LIN7C: variants seen among roughly 807,000 people sequenced by gnomAD.
LIN7C encodes the protein protein lin-7 homolog C.
LIN7C carries 17 observed loss-of-function variants against 24.7 expected under a neutral mutation model. That is an observed-to-expected ratio of 0.69 (90% confidence interval 0.47 to 1.03). The LOEUF (loss-of-function observed/expected upper bound fraction) is 1.03, where lower values mean the gene tolerates loss of function less well. Among genes scored for constraint, LIN7C ranks in the 50% least tolerant of loss-of-function variants. The probability of loss-of-function intolerance (pLI) is 0.00; values close to 1 mark genes in which losing one functional copy is unlikely to be tolerated. For synonymous variants in LIN7C, 90 were observed against 83.4 expected (o/e 1.08, Z -0.43); for missense variants, 204 against 239.0 (o/e 0.85, Z 0.97).
chr11:27,505,653 G>C (rs1361945454), intron 1 of LIN7C, among the ~76,000 whole-genome samples: 2 of 152,178 alleles, frequency 1.3e-5, no homozygotes, highest in Non-Finnish European at 2.9e-5. Context: ...TTAGGAAAGA[G>C]GTTTTTCTAA....
At position 27,498,625 on chromosome 11, in the gene LIN7C, T is replaced by C. The variant is rs751237307; in HGVS notation, c.*24A>G. On this transcript the variant is annotated 3_prime_UTR_variant, in exon 5 of 5. Coordinates refer to ENST00000278193, the MANE Select transcript of LIN7C (RefSeq NM_018362.4). ...AAACTTCTCTAGCTAAAACGCAAAA[T>C]GAAATATCAAGTTTTGAAATGTATT... 24 of 1,596,862 alleles carry C rather than the reference T, an allele frequency of 1.5e-5. No homozygotes were observed. The highest frequency in any genetic ancestry group is 1.7e-5 in the Non-Finnish European group (20 of 1,170,838).
At chr11:27,501,988 C>G in intron 1 of LIN7C, 68 bp from the exon 2 acceptor site, 1 of 929,356 alleles carries the variant, frequency 1.1e-6, no homozygotes, top group East Asian at 2.4e-5. Flanking sequence ...AACAGTGGGG[C>G]AGTTAGGATT....
In LIN7C at chr11:27,499,293, T is replaced by C. The variant is rs545692646; in HGVS notation, c.438+66A>G. 5.7e-5 allele frequency: 76 copies of C among 1,327,336 alleles called. No individual in the cohort carries two copies. The East Asian group carries it at 1.5e-3, about 26-fold the overall frequency. 82.2% of individuals were successfully genotyped at this position (1,327,336 alleles called of 1,614,324 possible). On this transcript the variant is annotated intron_variant, in intron 4 of 4. Coordinates refer to ENST00000278193, the MANE Select transcript of LIN7C (RefSeq NM_018362.4). ...CCACAAGTTTCTTAGGTTTCTCCTATTACTCAAATACGCCCCCAGGTGGTC... is the reference window on the plus strand; with the variant it reads ...CCACAAGTTTCTTAGGTTTCTCCTACTACTCAAATACGCCCCCAGGTGGTC...
intron 2 of LIN7C, 89 bp downstream of exon 2, chr11:27,501,712 GT>G: frequency 1.0e-6 from 1 of 974,552 alleles, no homozygotes; most frequent in South Asian, 1.6e-5. Flanking sequence ...GTTTTCTAAA[GT>G]TTTTCTTAAG....
rs1373241153 is a variant in LIN7C at position 27,494,545 on chromosome 11, C to A, written c.*4104G>T. On this transcript the variant is annotated 3_prime_UTR_variant, in exon 5 of 5. Coordinates refer to ENST00000278193, the MANE Select transcript of LIN7C (RefSeq NM_018362.4). ...AACGTTATCTATTGTGTAGTTATAT[C>A]AACTTTTTTCAAATCCAAAGAACGA... is the stretch of plus-strand genomic sequence containing the variant. 2.0e-5 allele frequency: 3 copies of A among 152,098 alleles called. No homozygotes were observed. Among genetic ancestry groups the A allele is most frequent in the Non-Finnish European group, 2.9e-5 (2 of 68,020 alleles). The allele number at this position is 152,098 out of a possible 1,614,324, so 9.4% of individuals were successfully genotyped here.
intron 1 of LIN7C, among the ~76,000 whole-genome samples, chr11:27,502,920 T>C (rs931742975): frequency 1.6e-4 from 25 of 152,220 alleles, no homozygotes; most frequent in African/African-American, 5.8e-4. Flanking sequence ...AAGACCAGCC[T>C]GGCCAACATG....
At chr11:27,503,411 T>C (rs2133490843) in intron 1 of LIN7C, among the ~76,000 whole-genome samples, 1 of 152,344 alleles carries the variant, frequency 6.6e-6, no homozygotes, top group East Asian at 1.9e-4. Flanking sequence ...TAGAAGTTCC[T>C]GATTTCGTTA....
rs1462267779 is a variant in LIN7C at position 27,496,154 on chromosome 11, T to C, written c.*2495A>G. 1.5e-5 allele frequency: 2 copies of C among 136,520 alleles called. No homozygotes were observed. Among genetic ancestry groups the C allele is most frequent in the Admixed American group, 7.3e-5 (1 of 13,696 alleles). The allele number at this position is 136,520 out of a possible 1,614,324, so 8.5% of individuals were successfully genotyped here. A position where few individuals can be genotyped will look rare whatever the true frequency, so the allele number is the denominator to read the frequency against. ...TCCTTTAGAACCACCTGGAAAGCTT[T>C]ACAAAAAAAAAAAAAAGGGTGATTT... On this transcript the variant is annotated 3_prime_UTR_variant, in exon 5 of 5. Coordinates refer to ENST00000278193, the MANE Select transcript of LIN7C (RefSeq NM_018362.4).
Position 27,501,507 on chromosome 11 carries a change from G to C in LIN7C, c.216C>G (p.Asn72Lys). 1 of 1,591,914 alleles carries C rather than the reference G, an allele frequency of 6.3e-7. No homozygotes were observed. Among genetic ancestry groups the C allele is most frequent in the Non-Finnish European group, 8.5e-7 (1 of 1,171,892 alleles). ...CAAAAAAATTTACCTTTGCAGTAGC[G>C]TTCGCTCTCACTTCAGGACTGCTAC... ...DISSSPEVRA[N>K]ATAKATVAAF... The change falls in exon 3 of 5, where the codon AAC becomes AAG. Residue 72 changes from asparagine to lysine, a missense_variant. Asn to Lys is a moderately conservative substitution (Grantham distance 94). Transcript: ENST00000278193.
intron 4 of LIN7C, 31 bp downstream of exon 4, chr11:27,499,328 C>A: frequency 6.3e-7 from 1 of 1,587,808 alleles, no homozygotes; most frequent in Non-Finnish European, 8.6e-7. Context: ...CACAACAGAT[C>A]ACTACAAATA....
At position 27,495,482 on chromosome 11, in the gene LIN7C, C is replaced by CAAAAACA. The variant is rs1865156634; in HGVS notation, c.*3160_*3166dup. The CAAAAACA allele has an allele frequency of 6.7e-6, 1 of 149,436 alleles. No individual in the cohort carries two copies. Among genetic ancestry groups the CAAAAACA allele is most frequent in the Non-Finnish European group, 1.5e-5 (1 of 67,326 alleles). The allele number at this position is 149,436 out of a possible 1,614,324, so 9.3% of individuals were successfully genotyped here. ...AGCAAGACTCTGTCTCAAAAAAAAA[C>CAAAAACA]AAAAACAAAAAACAAAAAAAAAATT... On this transcript the variant is annotated 3_prime_UTR_variant, in exon 5 of 5. Transcript: ENST00000278193.
chr11:27,498,925 A>T (rs1305420524), intron 4 of LIN7C, 121 bp from the exon 5 acceptor site: 2 of 808,270 alleles, frequency 2.5e-6, no homozygotes, highest in Non-Finnish European at 3.9e-6. Context: ...TTATTCCAAC[A>T]TTACAAAACT....
chr11:27,501,393 CAT>C (rs1476012488), intron 3 of LIN7C, 100 bp downstream of exon 3: 2 of 734,958 alleles, frequency 2.7e-6, no homozygotes, highest in East Asian at 2.8e-5. Flanking sequence ...TTGAAAGATA[CAT>C]GTTAGTCTTC....
chr11:27,503,603 T>G (rs1253280259), intron 1 of LIN7C, among the ~76,000 whole-genome samples: 1 of 152,130 alleles, frequency 6.6e-6, no homozygotes, highest in African/African-American at 2.4e-5. Context: ...AACCTCTGCC[T>G]CCCAGGTTCA....
At chr11:27,503,424 C>G (rs1342360856) in intron 1 of LIN7C, among the ~76,000 whole-genome samples, 1 of 152,204 alleles carries the variant, frequency 6.6e-6, no homozygotes, top group Admixed American at 6.5e-5. Context: ...TTTCGTTACA[C>G]TCAAGGACTG....
At chr11:27,499,869 C>T (rs1320752028) in intron 3 of LIN7C, among the ~76,000 whole-genome samples, 2 of 152,126 alleles carry the variant, frequency 1.3e-5, no homozygotes, top group Non-Finnish European at 2.9e-5. Flanking sequence ...CCTCGTGATC[C>T]GCCCGCCTTG....
rs370324945 is a variant in LIN7C at position 27,501,788 on chromosome 11, T to C, written c.156+14A>G. On this transcript the variant is annotated intron_variant, in intron 2 of 4. Coordinates refer to ENST00000278193, the MANE Select transcript of LIN7C (RefSeq NM_018362.4). ...TAACTCAAATTTTTGTAAATTTTAA[T>C]GATGTTTACTCACCTCTCTCACAGC... 6.6e-7 allele frequency: 1 copy of C among 1,514,822 alleles called. No homozygotes were observed. Among genetic ancestry groups the C allele is most frequent in the Non-Finnish European group, 9.1e-7 (1 of 1,099,260 alleles). The allele number at this position is 1,514,822 out of a possible 1,614,324, so 93.8% of individuals were successfully genotyped here. A position where few individuals can be genotyped will look rare whatever the true frequency, so the allele number is the denominator to read the frequency against.
chr11:27,499,632 T>C, intron 3 of LIN7C, 64 bp from the exon 4 acceptor site: 2 of 1,444,164 alleles, frequency 1.4e-6, no homozygotes, highest in Non-Finnish European at 1.9e-6. Flanking sequence ...TCATCTTTTG[T>C]TTCCCCCCGA....
chr11:27,506,769 C>G lies in LIN7C; in HGVS notation c.-17G>C. ...CGCCGCCATCTTCTCCCTTAACCTACAGACCCACAGGAAATGACGACAGAA... is the reference window on the plus strand; with the variant it reads ...CGCCGCCATCTTCTCCCTTAACCTAGAGACCCACAGGAAATGACGACAGAA... On this transcript the variant is annotated 5_prime_UTR_variant, in exon 1 of 5. Transcript: ENST00000278193. 6.2e-7 allele frequency: 1 copy of G among 1,614,114 alleles called. No individual in the cohort carries two copies. The highest frequency in any genetic ancestry group is 8.5e-7 in the Non-Finnish European group (1 of 1,179,978).
Sources: allele counts gnomAD v4.1 joint callset (sites outside exome capture counted in the v4.1 genomes callset), GRCh38; gene constraint gnomAD v4.1.1; transcripts MANE v1.5; gene names NCBI Gene and HGNC (gene_info 2026-07-23, HGNC 2026-07-21).